Variants in RERE observed in about 807,000 individuals in gnomAD.
The protein encoded by RERE is arginine-glutamic acid dipeptide repeats.
RERE carries 40 observed loss-of-function variants against 146.1 expected under a neutral mutation model. The ratio of observed to expected loss-of-function variants is 0.27; its 90% CI spans 0.21 to 0.36. RERE has a LOEUF of 0.36. RERE is among the 10% of genes least tolerant of loss of function. RERE has a pLI of 1.00. For synonymous variants in RERE, 1,003 were observed against 866.0 expected (o/e 1.16, Z -2.78); for missense variants, 1,933 against 2,138.7 (o/e 0.90, Z 1.90).
chr1:8,697,062 T>C (rs1639347793), intron 1 of RERE, among the ~76,000 whole-genome samples: 1 of 152,246 alleles, frequency 6.6e-6, no homozygotes, highest in South Asian at 2.1e-4. Context: ...TAAGAGTCCT[T>C]TCCATGAACA....
Position 8,577,042 on chromosome 1 carries a change from G to A in RERE, c.523-19519C>T, listed in dbSNP as rs539812064. Among the ~76,000 whole-genome samples the A allele has an allele frequency of 2.3e-3, 346 of 152,000 alleles. 1 individual carries two copies. Among genetic ancestry groups the A allele is most frequent in the African/African-American group, 7.9e-3 (328 of 41,484 alleles). On this transcript the variant is annotated intron_variant, in intron 4 of 22. Coordinates refer to ENST00000400908, the MANE Select transcript of RERE (RefSeq NM_001042681.2). ...AAAATTAGCTGGGCGTGGTGGCGGC[G>A]CCTGTAGTCCCAGCTACTTGGGAGG...
At chr1:8,736,319 G>C (rs944188852) in intron 1 of RERE, among the ~76,000 whole-genome samples, 1 of 152,142 alleles carries the variant, frequency 6.6e-6, no homozygotes, top group African/African-American at 2.4e-5. Flanking sequence ...CCATTCTCCT[G>C]CCTCAGCCTC....
At position 8,356,081 on chromosome 1, in the gene RERE, C is replaced by T; in HGVS notation, c.4486+19G>A. The T allele has an allele frequency of 2.0e-6, 3 of 1,480,386 alleles. No individual in the cohort carries two copies. Among genetic ancestry groups the T allele is most frequent in the Non-Finnish European group, 2.7e-6 (3 of 1,118,832 alleles). 91.7% of individuals were successfully genotyped at this position (1,480,386 alleles called of 1,614,324 possible). A position where few individuals can be genotyped will look rare whatever the true frequency, so the allele number is the denominator to read the frequency against. On this transcript the variant is annotated intron_variant, in intron 21 of 22. Transcript: ENST00000400908. The surrounding 1 kb of genome is among the most constrained non-coding windows in gnomAD (Gnocchi z 5.2). Reference sequence around the variant, plus strand: ...ACCCTCACACGGCCTCCCCGCCCCTCCTGGAGGGGAAGTCTTACCGAAAAC... The same window carrying T: ...ACCCTCACACGGCCTCCCCGCCCCTTCTGGAGGGGAAGTCTTACCGAAAAC...
intron 12 of RERE, among the ~76,000 whole-genome samples, chr1:8,389,212 T>C (rs1172752857): frequency 6.6e-6 from 1 of 152,178 alleles, no homozygotes; most frequent in East Asian, 1.9e-4. Context: ...TCCATAGGTG[T>C]CAACAGTCTC....
At chr1:8,430,941 C>G (rs915461491) in intron 11 of RERE, among the ~76,000 whole-genome samples, 1 of 152,164 alleles carries the variant, frequency 6.6e-6, no homozygotes, top group Non-Finnish European at 1.5e-5. Flanking sequence ...CTGCTAAGTA[C>G]TTCTGTGTAT....
intron 1 of RERE, among the ~76,000 whole-genome samples, chr1:8,720,802 T>C (rs950714069): frequency 1.3e-5 from 2 of 152,208 alleles, no homozygotes; most frequent in African/African-American, 4.8e-5. Flanking sequence ...ACGCCTGTAA[T>C]CCCAACACTT....
chr1:8,793,137 A>T (rs1641394745), intron 1 of RERE, among the ~76,000 whole-genome samples: 1 of 146,510 alleles, frequency 6.8e-6, no homozygotes. Flanking sequence ...AGCCTGGGAG[A>T]CAGAATGAGA....
chr1:8,388,569 T>G (rs1212294155), intron 12 of RERE, among the ~76,000 whole-genome samples: 1 of 152,230 alleles, frequency 6.6e-6, no homozygotes, highest in Non-Finnish European at 1.5e-5. Context: ...TCCGCCCGCC[T>G]TGGCCTCCCA....
chr1:8,448,493 T>C lies in RERE; in HGVS notation c.1203+17432A>G, dbSNP rs112718511. ...AAAAAAAAAGGCCAGGCGCAGTGGC[T>C]CACGCCTGTAATCCCAGTACTTTGG... is the stretch of plus-strand genomic sequence containing the variant. On this transcript the variant is annotated intron_variant, in intron 11 of 22. Coordinates refer to ENST00000400908, the MANE Select transcript of RERE (RefSeq NM_001042681.2). 1.8e-3 allele frequency among the ~76,000 whole-genome samples: 277 copies of C among 152,200 alleles called. 1 individual carries two copies. The highest frequency in any genetic ancestry group is 5.4e-3 in the African/African-American group (226 of 41,512).
intron 1 of RERE, among the ~76,000 whole-genome samples, chr1:8,783,225 C>T (rs542447114): frequency 6.6e-6 from 1 of 152,168 alleles, no homozygotes; most frequent in South Asian, 2.1e-4. Context: ...TTCCCATCTA[C>T]TTGGGAGGCT....
chr1:8,676,480 AAAG>A (rs1036850297), intron 1 of RERE, among the ~76,000 whole-genome samples: 39 of 152,330 alleles, frequency 2.6e-4, no homozygotes, highest in Non-Finnish European at 4.1e-4. Flanking sequence ...ACTAAAAAAA[AAAG>A]AAGAACCTGA....
intron 1 of RERE, among the ~76,000 whole-genome samples, chr1:8,780,677 T>C (rs1318839314): frequency 6.6e-6 from 1 of 152,182 alleles, no homozygotes; most frequent in Admixed American, 6.5e-5. Context: ...TATCACACAA[T>C]GGAACAGGAT....
intron 6 of RERE, among the ~76,000 whole-genome samples, chr1:8,551,908 G>A (rs533762205): frequency 3.9e-5 from 6 of 152,226 alleles, no homozygotes; most frequent in African/African-American, 4.8e-5. Context: ...ATTCTTACCC[G>A]GGAATAAACA....
chr1:8,623,463 T>C (rs6695619), intron 3 of RERE, among the ~76,000 whole-genome samples: 152,246 of 152,336 alleles, frequency 1, 76,078 homozygotes, highest in Middle Eastern at 1. Context: ...ACAACAACAA[T>C]GACAAATAGT....
intron 1 of RERE, among the ~76,000 whole-genome samples, chr1:8,667,151 T>C (rs549488550): frequency 6.6e-6 from 1 of 152,122 alleles, no homozygotes; most frequent in Non-Finnish European, 1.5e-5. Flanking sequence ...CTCTAATAAA[T>C]AAGGCTTCTC....
At chr1:8,595,470 T>C (rs903551764) in intron 4 of RERE, among the ~76,000 whole-genome samples, 2 of 151,712 alleles carry the variant, frequency 1.3e-5, no homozygotes, top group Non-Finnish European at 2.9e-5. Context: ...ATTAATGTTT[T>C]ATTTTTATGT....
chr1:8,737,381 C>A (rs959890282), intron 1 of RERE, among the ~76,000 whole-genome samples: 1 of 152,174 alleles, frequency 6.6e-6, no homozygotes, highest in African/African-American at 2.4e-5. Context: ...TTAATTGCCA[C>A]GTTTTCCCTC....
chr1:8,406,458 G>A (rs149832543), intron 12 of RERE, among the ~76,000 whole-genome samples: 103 of 152,146 alleles, frequency 6.8e-4, no homozygotes, highest in African/African-American at 2.4e-3. Flanking sequence ...CAACAGGTCC[G>A]CAACTTACTC....
intron 7 of RERE, among the ~76,000 whole-genome samples, chr1:8,531,008 T>C (rs1375495346): frequency 3.7e-4 from 5 of 13,356 alleles, no homozygotes; most frequent in Admixed American, 2.8e-3. Flanking sequence ...AACTGAGTTT[T>C]CTATCTATCT....
Sources: allele counts gnomAD v4.1 joint callset (sites outside exome capture counted in the v4.1 genomes callset), GRCh38; gene constraint gnomAD v4.1.1; non-coding constraint Gnocchi (gnomAD v3.1); transcripts MANE v1.5; gene names NCBI Gene and HGNC (gene_info 2026-07-23, HGNC 2026-07-21).